The following RPS6KA4 variants were observed in gnomAD, a reference collection of about 807,000 sequenced individuals.
The protein encoded by RPS6KA4 is ribosomal protein S6 kinase alpha-4.
Under a neutral mutation model 89.6 loss-of-function variants are expected in RPS6KA4, and 38 were observed. The observed-to-expected ratio is 0.42, with a 90% CI of 0.33 to 0.56. RPS6KA4 has a LOEUF of 0.56. RPS6KA4 is among the 20% of genes least tolerant of loss of function. RPS6KA4 has a pLI of 0.07. For synonymous variants in RPS6KA4, 495 were observed against 492.8 expected (o/e 1.00, Z -0.06); for missense variants, 873 against 1,098.8 (o/e 0.79, Z 2.90).
At chr11:64,366,135 G>A (rs1178570517) in intron 9 of RPS6KA4, among the ~76,000 whole-genome samples, 1 of 151,526 alleles carries the variant, frequency 6.6e-6, no homozygotes, top group African/African-American at 2.4e-5. Context: ...GCATAGCATG[G>A]TACACTCCTG....
At chr11:64,368,447 C>A in intron 10 of RPS6KA4, 21 bp from the exon 11 acceptor site, 1 of 1,546,150 alleles carries the variant, frequency 6.5e-7, no homozygotes, top group Non-Finnish European at 8.7e-7. Context: ...CCTTCGCCTT[C>A]GCCTTCGCCT....
At position 64,368,690 on chromosome 11, in the gene RPS6KA4, G is replaced by T. The variant is rs756503898; in HGVS notation, c.1335-14G>T. The T allele has an allele frequency of 2.5e-6, 4 of 1,575,556 alleles. No homozygotes were observed. The highest frequency in any genetic ancestry group is 3.4e-6 in the Non-Finnish European group (4 of 1,161,286). On this transcript the variant is annotated splice_polypyrimidine_tract_variant and intron_variant, in intron 11 of 16. Transcript: ENST00000334205. ...AAGCGCGGCGACCGTAACTCCTTCT[G>T]CTCCGTCCCCCAGGCTGGAGGCGAA...
chr11:64,363,590 C>G (rs1344521738), intron 8 of RPS6KA4, among the ~76,000 whole-genome samples: 2 of 152,130 alleles, frequency 1.3e-5, no homozygotes, highest in Non-Finnish European at 2.9e-5. Flanking sequence ...TTCCCTGGTT[C>G]AAGTGATTCT....
Position 64,370,277 on chromosome 11 carries a change from G to A in RPS6KA4, c.1850G>A (p.Gly617Glu). The change falls in exon 15 of 17, where the codon GGG (glycine) becomes GAG (glutamate). Residue 617 changes from glycine (G) to glutamate (E), a missense_variant. Gly to Glu is a moderately conservative substitution (Grantham distance 98). This residue lies in a region of RPS6KA4 where 278 missense variants were observed against 284.8 expected (regional missense o/e 0.98). Transcript: ENST00000334205. This position sits in a 1 kb window ranked among gnomAD's most constrained non-coding sequence, Gnocchi z 4.1. ...TTCCAGGGGGCCTCTGGCCAGGGCG[G>A]GCAGAGCCAGGCGGCCGAGATCATG... ...VPFQGASGQGGQSQAAEIMCK... is the reference protein window; with the variant it reads ...VPFQGASGQGEQSQAAEIMCK... 2 of 1,588,456 alleles carry A rather than the reference G, an allele frequency of 1.3e-6. No individual in the cohort carries two copies. The highest frequency in any genetic ancestry group is 1.7e-6 in the Non-Finnish European group (2 of 1,172,840).
At chr11:64,360,950 G>C in intron 4 of RPS6KA4, 184 bp from the exon 5 acceptor site, 1 of 582,426 alleles carries the variant, frequency 1.7e-6, no homozygotes. Flanking sequence ...TGATCCACGG[G>C]GCCCTCCTTC....
chr11:64,368,372 TAAG>T (rs2036943247), intron 10 of RPS6KA4, 93 bp from the exon 11 acceptor site: 1 of 1,545,486 alleles, frequency 6.5e-7, no homozygotes. Flanking sequence ...AGCAAGGTCC[TAAG>T]CCTCTCCGAC....
chr11:64,360,658 C>CAT, intron 4 of RPS6KA4, 66 bp downstream of exon 4: 1 of 1,379,340 alleles, frequency 7.2e-7, no homozygotes, highest in East Asian at 2.5e-5. Context: ...AAGGAATCTG[C>CAT]ACGCAGGGCA....
At chr11:64,365,026 C>T (rs601845) in intron 8 of RPS6KA4, among the ~76,000 whole-genome samples, 147,233 of 151,914 alleles carry the variant, frequency 0.97, 71,495 homozygotes, top group Middle Eastern at 1. Context: ...ATCCTGGGAT[C>T]ACAGGCATGA....
Position 64,361,453 on chromosome 11 carries a change from C to T in RPS6KA4, c.571-16C>T, listed in dbSNP as rs761385177. 6.2e-6 allele frequency: 10 copies of T among 1,613,890 alleles called. No homozygotes were observed. The highest frequency in any genetic ancestry group is 8.5e-6 in the Non-Finnish European group (10 of 1,179,882). On this transcript the variant is annotated splice_polypyrimidine_tract_variant and intron_variant, in intron 5 of 16. Coordinates refer to ENST00000334205, the MANE Select transcript of RPS6KA4 (RefSeq NM_003942.3). This position sits in a 1 kb window ranked among gnomAD's most constrained non-coding sequence, Gnocchi z 4.7. ...GAGAGGTTTCGACATCTAAGCAGGA[C>T]CTCTTGCCCTCCCAGAAAGAGCGGA...
At chr11:64,365,901 T>G (rs1441203885) in intron 9 of RPS6KA4, among the ~76,000 whole-genome samples, 2 of 151,932 alleles carry the variant, frequency 1.3e-5, no homozygotes. Flanking sequence ...TAGCTGGATG[T>G]GGTGGTATGC....
At chr11:64,366,263 C>T (rs912292887) in intron 9 of RPS6KA4, among the ~76,000 whole-genome samples, 19 of 150,898 alleles carry the variant, frequency 1.3e-4, no homozygotes, top group African/African-American at 4.4e-4. Flanking sequence ...CTCTGCCTCA[C>T]GGGTTCAAGC....
At chr11:64,367,358 T>C (rs2036910528) in intron 9 of RPS6KA4, among the ~76,000 whole-genome samples, 1 of 152,100 alleles carries the variant, frequency 6.6e-6, no homozygotes, top group Non-Finnish European at 1.5e-5. Context: ...TTGCCCAGGC[T>C]AGAGTGCAAT....
chr11:64,362,953 G>C (rs2036794119), intron 8 of RPS6KA4, among the ~76,000 whole-genome samples: 1 of 152,172 alleles, frequency 6.6e-6, no homozygotes, highest in African/African-American at 2.4e-5. Context: ...TTACAGGTGT[G>C]AGCCACCACG....
chr11:64,361,082 G>C lies in RPS6KA4; in HGVS notation c.463-52G>C. On this transcript the variant is annotated intron_variant, in intron 4 of 16. Coordinates refer to ENST00000334205, the MANE Select transcript of RPS6KA4 (RefSeq NM_003942.3). This position sits in a 1 kb window ranked among gnomAD's most constrained non-coding sequence, Gnocchi z 4.7. ...CTGAGCAGGGCCAGGAGCTGGAGGAGCTGGGGAGGGTTTCGGGGAGGAAGC... is the reference window on the plus strand; with the variant it reads ...CTGAGCAGGGCCAGGAGCTGGAGGACCTGGGGAGGGTTTCGGGGAGGAAGC... 1.3e-6 allele frequency: 2 copies of C among 1,510,438 alleles called. No homozygotes were observed. The highest frequency in any genetic ancestry group is 9.1e-7 in the Non-Finnish European group (1 of 1,094,154). 93.6% of individuals were successfully genotyped at this position (1,510,438 alleles called of 1,614,324 possible). A position where few individuals can be genotyped will look rare whatever the true frequency, so the allele number is the denominator to read the frequency against.
At chr11:64,368,098 GC>G in intron 9 of RPS6KA4, 33 bp from the exon 10 acceptor site, 1 of 1,608,976 alleles carries the variant, frequency 6.2e-7, no homozygotes, top group Non-Finnish European at 8.5e-7. Flanking sequence ...CAACCCCCAT[GC>G]CCATGCCCAT....
rs1172263382 is a variant in RPS6KA4 at position 64,368,704 on chromosome 11, G to C, written c.1335G>C (p.Arg445Ser). 1.3e-6 allele frequency: 2 copies of C among 1,577,532 alleles called. No individual in the cohort carries two copies. Among genetic ancestry groups the C allele is most frequent in the Middle Eastern group, 1.7e-4 (1 of 6,002 alleles). The change falls in exon 12 of 17, where the codon AGG (arginine) becomes AGC (serine). Residue 445 changes from arginine to serine, a missense_variant and splice_region_variant. Transcript: ENST00000334205. ...TAACTCCTTCTGCTCCGTCCCCCAG[G>C]CTGGAGGCGAACACGCAGCGCGAAG... ...QEFAVKILSR[R>S]LEANTQREVA... is the part of the protein sequence containing the mutation.
chr11:64,365,173 C>G, intron 8 of RPS6KA4, 128 bp from the exon 9 acceptor site: 1 of 1,077,292 alleles, frequency 9.3e-7, no homozygotes, highest in Non-Finnish European at 1.3e-6. Context: ...GCAGGAGGAA[C>G]AGCTGCCCAC....
intron 8 of RPS6KA4, among the ~76,000 whole-genome samples, chr11:64,362,753 C>T (rs151248036): frequency 2.6e-4 from 40 of 152,350 alleles, no homozygotes; most frequent in African/African-American, 7.7e-4. Flanking sequence ...TCAGTGCAAC[C>T]TCCACCTCAG....
In RPS6KA4 at chr11:64,371,532, G is replaced by C; in HGVS notation, c.*52G>C. On this transcript the variant is annotated 3_prime_UTR_variant, in exon 17 of 17. Transcript: ENST00000334205. ...CATAGGGGCTGTGACCTGGGAGCCCGGCTCACTCCCGGAGGCCTCTGCCTG... is the reference window on the plus strand; with the variant it reads ...CATAGGGGCTGTGACCTGGGAGCCCCGCTCACTCCCGGAGGCCTCTGCCTG... The C allele has an allele frequency of 1.4e-6, 1 of 739,724 alleles. No individual in the cohort carries two copies. Among genetic ancestry groups the C allele is most frequent in the Non-Finnish European group, 2.2e-6 (1 of 451,666 alleles). The allele number at this position is 739,724 out of a possible 1,614,324, so 45.8% of individuals were successfully genotyped here. A position where few individuals can be genotyped will look rare whatever the true frequency, so the allele number is the denominator to read the frequency against.
Sources: allele counts gnomAD v4.1 joint callset (sites outside exome capture counted in the v4.1 genomes callset), GRCh38; gene constraint gnomAD v4.1.1; regional missense constraint gnomAD v4.1.1; non-coding constraint Gnocchi (gnomAD v3.1); transcripts MANE v1.5; gene names NCBI Gene and HGNC (gene_info 2026-07-23, HGNC 2026-07-21).